TMEM132D: variants seen among roughly 807,000 people sequenced by gnomAD.
TMEM132D encodes the protein mature OL transmembrane protein.
Under a neutral mutation model 62.3 loss-of-function variants are expected in TMEM132D, and 21 were observed. The observed-to-expected ratio is 0.34, with a 90% CI of 0.24 to 0.49. TMEM132D has a LOEUF of 0.49. Ranked by LOEUF, TMEM132D falls within the 20% of genes least tolerant of loss-of-function variation. The probability of loss-of-function intolerance (pLI) is 0.99; values close to 1 mark genes in which losing one functional copy is unlikely to be tolerated. For synonymous variants in TMEM132D, 621 were observed against 575.6 expected, an observed-to-expected ratio of 1.08 and a Z score of -1.13; for missense variants, 1,346 against 1,402.8, an observed-to-expected ratio of 0.96 and a Z score of 0.65.
Position 129,298,490 on chromosome 12 carries a change from C to CT in TMEM132D, c.1299+39143dup, listed in dbSNP as rs1341972082. Among the ~76,000 whole-genome samples the CT allele has an allele frequency of 5.9e-5, 9 of 152,222 alleles. No homozygotes were observed. The East Asian group carries it at 1.2e-3, about 20-fold the overall frequency. ...ACATTCAAAAGCTCTTGTCTAGCTA[C>CT]TTTTTAATATAAAAGGCCTCACTGT... On this transcript the variant is annotated intron_variant, in intron 4 of 8. Coordinates refer to ENST00000422113, the MANE Select transcript of TMEM132D (RefSeq NM_133448.3).
At chr12:129,228,024 G>A (rs1169268628) in intron 4 of TMEM132D, among the ~76,000 whole-genome samples, 4 of 152,138 alleles carry the variant, frequency 2.6e-5, no homozygotes, top group Non-Finnish European at 2.9e-5. Context: ...CCAGGACATC[G>A]ACGCTGTGTA....
At chr12:129,725,636 A>C (rs1869006544) in intron 1 of TMEM132D, among the ~76,000 whole-genome samples, 1 of 152,266 alleles carries the variant, frequency 6.6e-6, no homozygotes, top group African/African-American at 2.4e-5. Flanking sequence ...TATGTGTGCC[A>C]ATATATGTAT....
chr12:129,275,149 A>G (rs1880970903), intron 4 of TMEM132D, among the ~76,000 whole-genome samples: 1 of 151,936 alleles, frequency 6.6e-6, no homozygotes, highest in Non-Finnish European at 1.5e-5. Flanking sequence ...GTGTCGTGGC[A>G]CACAGCTGTA....
intron 4 of TMEM132D, chr12:129,262,862 T>C (rs1880587182): frequency 6.6e-6 from 1 of 152,224 alleles, no homozygotes; most frequent in South Asian, 2.1e-4. Flanking sequence ...CAGTTCTAGA[T>C]ATCTTTTCCA....
chr12:129,682,930 C>T (rs1880821797), intron 2 of TMEM132D: 1 of 151,222 alleles, frequency 6.6e-6, no homozygotes, highest in Non-Finnish European at 1.5e-5. Context: ...ACTTGATCCG[C>T]TCTCAGAAGC....
chr12:129,744,549 A>G (rs1869714665), intron 1 of TMEM132D, among the ~76,000 whole-genome samples: 2 of 152,178 alleles, frequency 1.3e-5, no homozygotes, highest in Non-Finnish European at 2.9e-5. Flanking sequence ...CAGTGTCATC[A>G]AGCTCTCCAG....
intron 2 of TMEM132D, among the ~76,000 whole-genome samples, chr12:129,590,019 T>A (rs978752127): frequency 6.6e-6 from 1 of 152,214 alleles, no homozygotes; most frequent in African/African-American, 2.4e-5. Flanking sequence ...TGTTCTCTTT[T>A]AGTTACCACT....
chr12:129,463,678 T>C (rs1423986128), intron 3 of TMEM132D, among the ~76,000 whole-genome samples: 2 of 148,278 alleles, frequency 1.3e-5, no homozygotes, highest in South Asian at 2.3e-4. Flanking sequence ...CCTGTGTCCA[T>C]GTGTTCTCAT....
intron 4 of TMEM132D, among the ~76,000 whole-genome samples, chr12:129,307,300 G>C (rs57259364): frequency 6.6e-6 from 1 of 151,990 alleles, no homozygotes; most frequent in East Asian, 1.9e-4. Context: ...TGAACCCAAC[G>C]GAAAGTGGGA....
chr12:129,387,071 A>T (rs1196887326), intron 3 of TMEM132D, among the ~76,000 whole-genome samples: 1 of 151,922 alleles, frequency 6.6e-6, no homozygotes, highest in Non-Finnish European at 1.5e-5. Context: ...AACACCAAAC[A>T]CCAACACGAA....
intron 3 of TMEM132D, among the ~76,000 whole-genome samples, chr12:129,407,904 A>AG (rs1871844590): frequency 6.6e-6 from 1 of 151,558 alleles, no homozygotes; most frequent in Non-Finnish European, 1.5e-5. Flanking sequence ...AAAAAAAAAA[A>AG]AGCTAATTTT....
chr12:129,717,852 T>C (rs1311085355), intron 1 of TMEM132D, among the ~76,000 whole-genome samples: 1 of 152,068 alleles, frequency 6.6e-6, no homozygotes, highest in African/African-American at 2.4e-5. Context: ...TCATGTACGG[T>C]TGTTCAAGTT....
intron 4 of TMEM132D, among the ~76,000 whole-genome samples, chr12:129,248,137 G>A (rs1397145548): frequency 2.0e-5 from 3 of 152,084 alleles, no homozygotes; most frequent in Non-Finnish European, 2.9e-5. Flanking sequence ...ATTTTAACTC[G>A]GAATTTTAAA....
chr12:129,587,483 C>G (rs936810656), intron 2 of TMEM132D, among the ~76,000 whole-genome samples: 2 of 152,058 alleles, frequency 1.3e-5, no homozygotes, highest in African/African-American at 2.4e-5. Flanking sequence ...GTACAACAAA[C>G]CCCCATGACA....
chr12:129,082,107 G>T (rs75313148), intron 6 of TMEM132D, 75 bp from the exon 7 acceptor site: 2 of 1,513,824 alleles, frequency 1.3e-6, no homozygotes, highest in South Asian at 2.6e-5. Flanking sequence ...GGAGCCTGGT[G>T]GGGGCTGCAG....
intron 1 of TMEM132D, among the ~76,000 whole-genome samples, chr12:129,813,031 G>A (rs563011691): frequency 4.0e-5 from 6 of 151,800 alleles, no homozygotes; most frequent in African/African-American, 7.3e-5. Context: ...ACTTCTTTCC[G>A]TCTCGGCGCA....
chr12:129,642,931 T>TTA (rs1879677393), intron 2 of TMEM132D, among the ~76,000 whole-genome samples: 1 of 148,830 alleles, frequency 6.7e-6, no homozygotes, highest in Admixed American at 6.7e-5. Context: ...TTTTTTTTTT[T>TTA]TTTTTTTTTT....
chr12:129,830,908 C>T (rs1010098809), intron 1 of TMEM132D, among the ~76,000 whole-genome samples: 1 of 152,142 alleles, frequency 6.6e-6, no homozygotes. Context: ...CTGCATGCTA[C>T]TCAAATTTCT....
intron 4 of TMEM132D, among the ~76,000 whole-genome samples, chr12:129,288,662 A>T (rs1876359965): frequency 1.3e-5 from 2 of 152,206 alleles, no homozygotes; most frequent in Admixed American, 1.3e-4. Context: ...TAAGAATGCA[A>T]AATGGTGCAG....
Sources: allele counts gnomAD v4.1 joint callset (sites outside exome capture counted in the v4.1 genomes callset), GRCh38; gene constraint gnomAD v4.1.1; transcripts MANE v1.5; gene names NCBI Gene and HGNC (gene_info 2026-07-23, HGNC 2026-07-21).